Variants in ZNRF2 observed in about 807,000 individuals in gnomAD.
ZNRF2 encodes the protein E3 ubiquitin-protein ligase ZNRF2.
ZNRF2 carries 16 observed loss-of-function variants against 20.4 expected under a neutral mutation model. That is an observed-to-expected ratio of 0.79 (90% CI 0.53 to 1.19). The LOEUF (loss-of-function observed/expected upper bound fraction) is 1.19, where lower values mean the gene tolerates loss of function less well. ZNRF2 is among the 50% of genes most tolerant of loss of function. The pLI, the probability that ZNRF2 is intolerant of heterozygous loss-of-function variation, is 0.00. For missense variants in ZNRF2, 363 were observed against 332.4 expected, an observed-to-expected ratio of 1.09 and a Z score of -0.72; for synonymous variants, 178 against 144.9, an observed-to-expected ratio of 1.23 and a Z score of -1.64.
chr7:30,311,157 C>A (rs1398667036), intron 1 of ZNRF2, among the ~76,000 whole-genome samples: 1 of 152,168 alleles, frequency 6.6e-6, no homozygotes, highest in Non-Finnish European at 1.5e-5. Flanking sequence ...TTTGCTGGCT[C>A]TGGGTCTTGT....
intron 1 of ZNRF2, among the ~76,000 whole-genome samples, chr7:30,295,888 C>G (rs1799012562): frequency 6.6e-6 from 1 of 152,208 alleles, no homozygotes; most frequent in African/African-American, 2.4e-5. Flanking sequence ...GTGCTTTACT[C>G]TGATACCGTA....
chr7:30,336,151 A>G (rs1487229773), intron 2 of ZNRF2, among the ~76,000 whole-genome samples: 2 of 152,210 alleles, frequency 1.3e-5, no homozygotes, highest in South Asian at 2.1e-4. Context: ...GAGTTCAGCA[A>G]ACATTTTAGA....
intron 1 of ZNRF2, among the ~76,000 whole-genome samples, chr7:30,309,360 G>A (rs1583574203): frequency 2.0e-5 from 3 of 152,246 alleles, no homozygotes; most frequent in South Asian, 2.1e-4. Context: ...AATGTGTTTA[G>A]AGTGCTCAGA....
At chr7:30,305,290 C>T (rs574619510) in intron 1 of ZNRF2, among the ~76,000 whole-genome samples, 15 of 152,294 alleles carry the variant, frequency 9.8e-5, no homozygotes, top group African/African-American at 3.1e-4. Flanking sequence ...GATTGTCTTT[C>T]ATCATTGTAA....
At chr7:30,296,016 CAGCACAT>C (rs1479708135) in intron 1 of ZNRF2, among the ~76,000 whole-genome samples, 4 of 152,318 alleles carry the variant, frequency 2.6e-5, no homozygotes, top group Admixed American at 1.3e-4. Flanking sequence ...TTGAGTTTTT[CAGCACAT>C]TTACTATGCC....
chr7:30,313,454 C>G (rs193163528), intron 1 of ZNRF2, among the ~76,000 whole-genome samples: 1 of 152,230 alleles, frequency 6.6e-6, no homozygotes, highest in East Asian at 1.9e-4. Flanking sequence ...GTGGCTCAGA[C>G]ATGCATTTCT....
At chr7:30,286,313 A>T (rs1798788337) in intron 1 of ZNRF2, among the ~76,000 whole-genome samples, 1 of 152,240 alleles carries the variant, frequency 6.6e-6, no homozygotes, top group Non-Finnish European at 1.5e-5. Flanking sequence ...TAAAGCTGTA[A>T]TCCTGAAATC....
chr7:30,358,800 A>G lies in ZNRF2; in HGVS notation c.671+2967A>G, dbSNP rs537777412. Among the ~76,000 whole-genome samples the G allele has an allele frequency of 4.6e-5, 7 of 152,304 alleles. No individual in the cohort carries two copies. The South Asian group carries it at 6.2e-4, about 14-fold the overall frequency. On this transcript the variant is annotated intron_variant, in intron 3 of 4. Coordinates refer to ENST00000323037, the MANE Select transcript of ZNRF2 (RefSeq NM_147128.4). ...AGAGCATGGACTTTGAAGTCAAGAC[A>G]CTCAGCATTTGAATCCCAGCTCCTC... is the stretch of plus-strand genomic sequence containing the variant.
At position 30,307,110 on chromosome 7, in the gene ZNRF2, A is replaced by G. The variant is rs1458369068; in HGVS notation, c.470-16532A>G. Among the ~76,000 whole-genome samples the G allele has an allele frequency of 4.0e-5, 6 of 151,804 alleles. No individual in the cohort carries two copies. In the East Asian group the frequency reaches 9.6e-4, roughly 24 times the overall value. The stretch of plus-strand genomic sequence containing the variant: ...AGTGAGGATTTTTTTACCCTCACCT[A>G]TCTTGGTGAAAACTTTGTAGACTTC... On this transcript the variant is annotated intron_variant, in intron 1 of 4. Coordinates refer to ENST00000323037, the MANE Select transcript of ZNRF2 (RefSeq NM_147128.4).
Position 30,285,562 on chromosome 7 carries a change from G to C in ZNRF2, c.205G>C (p.Ala69Pro), listed in dbSNP as rs1159833655. 12 of 974,258 alleles carry C rather than the reference G, an allele frequency of 1.2e-5. No individual in the cohort carries two copies. Among genetic ancestry groups the C allele is most frequent in the South Asian group, 4.6e-5 (1 of 21,680 alleles). The allele number at this position is 974,258 out of a possible 1,614,324, so 60.4% of individuals were successfully genotyped here. The change falls in exon 1 of 5, where the codon GCG (alanine) becomes CCG (proline). Residue 69 changes from alanine (A) to proline (P), a missense_variant. By Grantham distance (27) the Ala-to-Pro change is conservative (BLOSUM62 -1). Around this residue, in one of 2 missense-constraint regions of ZNRF2, gnomAD observed 302 missense variants for 231.5 expected, o/e 1.30. Coordinates refer to ENST00000323037, the MANE Select transcript of ZNRF2 (RefSeq NM_147128.4). ...CGCCTCCGGCGGCGCCGCGGCGGCC[G>C]CGGCGGCCCCGGCAGCCCCGGCGGC... Reference protein sequence around the residue: ...PSASGGAAAAAAAPAAPAAPR... With the variant: ...PSASGGAAAAPAAPAAPAAPR...
At chr7:30,324,598 C>G (rs1799524416) in intron 2 of ZNRF2, among the ~76,000 whole-genome samples, 1 of 151,020 alleles carries the variant, frequency 6.6e-6, no homozygotes, top group Admixed American at 6.6e-5. Context: ...AAAACAGATA[C>G]TTAGTGTTAC....
At chr7:30,354,031 G>C (rs892811799) in intron 2 of ZNRF2, among the ~76,000 whole-genome samples, 3 of 151,758 alleles carry the variant, frequency 2.0e-5, no homozygotes, top group Admixed American at 6.6e-5. Context: ...CGTTAAACTT[G>C]TTCCCTATCT....
At chr7:30,312,987 T>G (rs1175343920) in intron 1 of ZNRF2, among the ~76,000 whole-genome samples, 1 of 152,168 alleles carries the variant, frequency 6.6e-6, no homozygotes, top group African/African-American at 2.4e-5. Flanking sequence ...CTTATAATAT[T>G]TTAGGGATTA....
At position 30,340,451 on chromosome 7, in the gene ZNRF2, T is replaced by C. The variant is rs1799777104; in HGVS notation, c.566-15277T>C. On this transcript the variant is annotated intron_variant, in intron 2 of 4. Coordinates refer to ENST00000323037, the MANE Select transcript of ZNRF2 (RefSeq NM_147128.4). ...CCTAGTTTATTGAGAGTTTTTAGCATGAAGGGGTGTTGAATTTTATCAAAG... is the reference window on the plus strand; with the variant it reads ...CCTAGTTTATTGAGAGTTTTTAGCACGAAGGGGTGTTGAATTTTATCAAAG... Among the ~76,000 whole-genome samples the C allele has an allele frequency of 3.3e-5, 5 of 152,242 alleles. No individual in the cohort carries two copies. In the South Asian group the frequency reaches 8.3e-4, roughly 25 times the overall value.
At chr7:30,325,479 A>T (rs1254581366) in intron 2 of ZNRF2, among the ~76,000 whole-genome samples, 4 of 152,218 alleles carry the variant, frequency 2.6e-5, no homozygotes, top group Non-Finnish European at 4.4e-5. Context: ...TATTGGTTAA[A>T]TAAAAAGGTT....
chr7:30,295,484 G>T (rs1316224322), intron 1 of ZNRF2, among the ~76,000 whole-genome samples: 1 of 152,122 alleles, frequency 6.6e-6, no homozygotes, highest in East Asian at 1.9e-4. Flanking sequence ...ACGGACGGGG[G>T]CGATCGCTTG....
At chr7:30,363,483 CA>C (rs1800160610) in intron 4 of ZNRF2, among the ~76,000 whole-genome samples, 1 of 152,098 alleles carries the variant, frequency 6.6e-6, no homozygotes, top group South Asian at 2.1e-4. Flanking sequence ...ATTCTGGTTC[CA>C]AAGACTGTTC....
At chr7:30,359,808 T>A (rs941433872) in intron 3 of ZNRF2, among the ~76,000 whole-genome samples, 3 of 152,198 alleles carry the variant, frequency 2.0e-5, no homozygotes, top group African/African-American at 7.2e-5. Flanking sequence ...TGAGCATGTC[T>A]TTGTTCTGGT....
intron 1 of ZNRF2, among the ~76,000 whole-genome samples, chr7:30,289,448 T>C (rs377577859): frequency 6.6e-6 from 1 of 152,204 alleles, no homozygotes; most frequent in East Asian, 1.9e-4. Context: ...TTTGGGATAT[T>C]GTAATTAATC....
Sources: allele counts gnomAD v4.1 joint callset (sites outside exome capture counted in the v4.1 genomes callset), GRCh38; gene constraint gnomAD v4.1.1; regional missense constraint gnomAD v4.1.1; transcripts MANE v1.5; gene names NCBI Gene and HGNC (gene_info 2026-07-23, HGNC 2026-07-21).